Variants in TMEM163 observed in about 807,000 individuals in gnomAD.
TMEM163 encodes transmembrane protein 163.
Under a neutral mutation model 29.3 loss-of-function variants are expected in TMEM163, and 17 were observed. The ratio of observed to expected loss-of-function variants is 0.58; its 90% CI spans 0.40 to 0.87. TMEM163 has a LOEUF of 0.87. Among genes scored for constraint, TMEM163 ranks in the 40% least tolerant of loss-of-function variants. TMEM163 has a pLI of 0.00. For missense variants in TMEM163, 303 were observed against 381.5 expected, an observed-to-expected ratio of 0.79 and a Z score of 1.71; for synonymous variants, 157 against 160.6, an observed-to-expected ratio of 0.98 and a Z score of 0.17.
At chr2:134,661,597 A>C (rs748609454) in intron 2 of TMEM163, among the ~76,000 whole-genome samples, 2 of 152,234 alleles carry the variant, frequency 1.3e-5, no homozygotes, top group Non-Finnish European at 2.9e-5. Flanking sequence ...TCAGGTAGAC[A>C]CCTGCTAATT....
chr2:134,578,276 C>T (rs1029366627), intron 2 of TMEM163, among the ~76,000 whole-genome samples: 2 of 152,196 alleles, frequency 1.3e-5, no homozygotes, highest in African/African-American at 4.8e-5. Flanking sequence ...CACACTATTT[C>T]CTGTTCTGGA....
Position 134,456,492 on chromosome 2 carries a change from G to C in TMEM163, c.*224C>G, listed in dbSNP as rs1176826455. 4 of 573,114 alleles carry C rather than the reference G, an allele frequency of 7.0e-6. No homozygotes were observed. In the Admixed American group the frequency reaches 1.2e-4, roughly 17 times the overall value. 35.5% of individuals were successfully genotyped at this position (573,114 alleles called of 1,614,324 possible). ...AAACGCCAGTCCCAGCTGGAGACGG[G>C]GAAGGAGGTCCATTCCTATGGGCAT... is the stretch of plus-strand genomic sequence containing the variant. On this transcript the variant is annotated 3_prime_UTR_variant, in exon 8 of 8. Coordinates refer to ENST00000281924, the MANE Select transcript of TMEM163 (RefSeq NM_030923.5).
intron 2 of TMEM163, among the ~76,000 whole-genome samples, chr2:134,697,575 C>T (rs35299271): frequency 0.018 from 2,661 of 151,728 alleles, 45 homozygotes; most frequent in Middle Eastern, 0.054. Context: ...AGTGATTCTC[C>T]TGCCTCAGCC....
At chr2:134,485,776 C>T (rs528540278) in intron 5 of TMEM163, among the ~76,000 whole-genome samples, 2 of 152,240 alleles carry the variant, frequency 1.3e-5, no homozygotes, top group Non-Finnish European at 1.5e-5. Context: ...AGGTCTGATC[C>T]ACAGAATCAA....
intron 4 of TMEM163, among the ~76,000 whole-genome samples, chr2:134,524,372 G>A (rs1680249014): frequency 1.5e-5 from 2 of 134,390 alleles, no homozygotes; most frequent in African/African-American, 2.7e-5. Flanking sequence ...TGAGAGCTTG[G>A]GTTTTTAAAA....
At position 134,456,731 on chromosome 2, in the gene TMEM163, G is replaced by A. The variant is rs193204006; in HGVS notation, c.855C>T (p.Tyr285=). 4.3e-5 allele frequency: 69 copies of A among 1,614,014 alleles called. No homozygotes were observed. The highest frequency in any genetic ancestry group is 1.7e-4 in the Middle Eastern group (1 of 6,060). Residue 285 remains tyrosine, a synonymous_variant, in exon 8 of 8, where the codon TAC becomes TAT. Transcript: ENST00000281924. ...MVPRVRQTRH[Y]EMFE The stretch of plus-strand genomic sequence containing the variant: ...CTGGCCCCCTTCACTCAAACATCTC[G>A]TAGTGACGTGTCTGCCTCACCCTCG...
At chr2:134,630,837 T>C (rs958303398) in intron 2 of TMEM163, among the ~76,000 whole-genome samples, 2 of 152,206 alleles carry the variant, frequency 1.3e-5, no homozygotes, top group African/African-American at 4.8e-5. Context: ...ATCTGTGTTT[T>C]GTATGGGAGA....
intron 4 of TMEM163, among the ~76,000 whole-genome samples, chr2:134,521,199 G>A (rs10168723): frequency 0.19 from 28,481 of 151,920 alleles, 3,368 homozygotes; most frequent in African/African-American, 0.31. Flanking sequence ...GGGTTTCACC[G>A]AGTTAGCCAG....
At chr2:134,525,503 A>C (rs1253900018) in intron 4 of TMEM163, among the ~76,000 whole-genome samples, 3 of 152,244 alleles carry the variant, frequency 2.0e-5, no homozygotes, top group Non-Finnish European at 4.4e-5. Context: ...CTACAAAATC[A>C]ATCGCTGGGG....
Position 134,460,470 on chromosome 2 carries a change from C to T in TMEM163, c.668-2297G>A, listed in dbSNP as rs1253520570. 6.6e-6 allele frequency among the ~76,000 whole-genome samples: 1 copy of T among 152,202 alleles called. No homozygotes were observed. Among genetic ancestry groups the T allele is most frequent in the African/African-American group, 2.4e-5 (1 of 41,448 alleles). On this transcript the variant is annotated intron_variant, in intron 6 of 7. Transcript: ENST00000281924. This position sits in a 1 kb window ranked among gnomAD's most constrained non-coding sequence, Gnocchi z 4.3. The stretch of plus-strand genomic sequence containing the variant: ...GGAAACCTAAGCTTAAGGACAGGAA[C>T]TTTGTCTCTCCTTGCAGTATTCGAA...
chr2:134,597,989 T>C (rs1157857345), intron 2 of TMEM163, among the ~76,000 whole-genome samples: 1 of 152,226 alleles, frequency 6.6e-6, no homozygotes, highest in African/African-American at 2.4e-5. Flanking sequence ...ATTGTGTCTA[T>C]TTGATTCTTC....
At chr2:134,714,625 G>T (rs1411498857) in intron 1 of TMEM163, among the ~76,000 whole-genome samples, 1 of 152,192 alleles carries the variant, frequency 6.6e-6, no homozygotes, top group African/African-American at 2.4e-5. Flanking sequence ...GTTGCTGAGT[G>T]AGCCCAGCTC....
chr2:134,673,780 C>G (rs1254417566), intron 2 of TMEM163, among the ~76,000 whole-genome samples: 1 of 152,170 alleles, frequency 6.6e-6, no homozygotes, highest in Non-Finnish European at 1.5e-5. Flanking sequence ...CTCCCCAAAG[C>G]CTATGGAAAA....
At chr2:134,567,521 A>G (rs1185979015) in intron 2 of TMEM163, among the ~76,000 whole-genome samples, 2 of 152,072 alleles carry the variant, frequency 1.3e-5, no homozygotes, top group East Asian at 1.9e-4. Flanking sequence ...GTGAAACCCC[A>G]TCTCTACTAC....
At chr2:134,513,315 G>C (rs1372019186) in intron 4 of TMEM163, among the ~76,000 whole-genome samples, 1 of 152,320 alleles carries the variant, frequency 6.6e-6, no homozygotes. Flanking sequence ...TGGTGGTGTT[G>C]AGAAGGGAGC....
chr2:134,589,933 T>A (rs2104801323), intron 2 of TMEM163, among the ~76,000 whole-genome samples: 1 of 152,180 alleles, frequency 6.6e-6, no homozygotes, highest in Middle Eastern at 3.4e-3. Context: ...CAAACATCAA[T>A]AAGACTCCTC....
chr2:134,691,595 T>C (rs546571938), intron 2 of TMEM163, among the ~76,000 whole-genome samples: 1 of 152,322 alleles, frequency 6.6e-6, no homozygotes, highest in South Asian at 2.1e-4. Flanking sequence ...CGTACACCCT[T>C]GTCAGACAAC....
At chr2:134,589,025 T>A (rs1681882207) in intron 2 of TMEM163, among the ~76,000 whole-genome samples, 1 of 152,006 alleles carries the variant, frequency 6.6e-6, no homozygotes, top group African/African-American at 2.4e-5. Context: ...ATGCCAAAGA[T>A]AAATAGGAAG....
chr2:134,552,192 C>G (rs920025612), intron 2 of TMEM163, 101 bp from the exon 3 acceptor site: 12 of 943,310 alleles, frequency 1.3e-5, no homozygotes, highest in Non-Finnish European at 1.6e-5. Flanking sequence ...TGGGGAAGTT[C>G]CAAGAGAACA....
Sources: gnomAD v4.1 joint callset for allele counts (sites outside exome capture counted in the v4.1 genomes callset) on GRCh38, gnomAD v4.1.1 for gene constraint, Gnocchi (gnomAD v3.1) non-coding constraint, MANE v1.5 for transcripts, NCBI Gene and HGNC (gene_info 2026-07-23, HGNC 2026-07-21) for gene names.